AMPH: variants seen among roughly 807,000 people sequenced by gnomAD.
The protein encoded by AMPH is amphiphysin (Stiff-Mann syndrome with breast cancer 128kD autoantigen).
A neutral mutation model predicts 99.1 loss-of-function variants in AMPH; 49 were observed. The observed-to-expected ratio is 0.49, with a 90% CI of 0.39 to 0.63. AMPH has a LOEUF of 0.63. Among genes scored for constraint, AMPH ranks in the 20% least tolerant of loss-of-function variants. The pLI, the probability that AMPH is intolerant of heterozygous loss-of-function variation, is 0.00. For synonymous variants in AMPH, 314 were observed against 317.3 expected, an observed-to-expected ratio of 0.99 and a Z score of 0.11; for missense variants, 759 against 863.4, an observed-to-expected ratio of 0.88 and a Z score of 1.52.
chr7:38,518,396 C>T (rs1789830252), intron 2 of AMPH, among the ~76,000 whole-genome samples: 1 of 152,198 alleles, frequency 6.6e-6, no homozygotes. Context: ...CCCATTAAAG[C>T]TGGGTGAACT....
chr7:38,484,359 G>A (rs563888876), intron 5 of AMPH, among the ~76,000 whole-genome samples: 1 of 152,188 alleles, frequency 6.6e-6, no homozygotes, highest in African/African-American at 2.4e-5. Flanking sequence ...AAAGTAGCAA[G>A]AGAAAAGTGA....
intron 1 of AMPH, among the ~76,000 whole-genome samples, chr7:38,538,004 T>C (rs1186775178): frequency 1.3e-5 from 2 of 152,196 alleles, no homozygotes; most frequent in Admixed American, 6.5e-5. Context: ...TCAAACTTGC[T>C]CTGCCAGGAA....
chr7:38,455,005 G>T (rs929182190), intron 11 of AMPH, among the ~76,000 whole-genome samples: 8 of 152,068 alleles, frequency 5.3e-5, no homozygotes, highest in Non-Finnish European at 1.2e-4. Context: ...AGTGATTTGG[G>T]AAGACTAAAA....
intron 2 of AMPH, among the ~76,000 whole-genome samples, chr7:38,528,991 A>T (rs1790296100): frequency 6.6e-6 from 1 of 152,036 alleles, no homozygotes. Flanking sequence ...CAGAGTTCTA[A>T]TGCCTTCTAT....
rs5883648 is a variant in AMPH at position 38,416,102 on chromosome 7, A to AATATATATATATATATAT, written c.1398+1705_1398+1722dup. ...AGTTTAAACAATGATCAAACATATG[A>AATATATATATATATATAT]ATATATATATATATATATATATATT... On this transcript the variant is annotated intron_variant, in intron 17 of 20. Coordinates refer to ENST00000356264, the MANE Select transcript of AMPH (RefSeq NM_001635.4). Among the ~76,000 whole-genome samples the AATATATATATATATATAT allele has an allele frequency of 8.9e-3, 890 of 100,358 alleles. 44 individuals carry two copies. The highest frequency in any genetic ancestry group is 0.012 in the South Asian group (34 of 2,732). 65.8% of individuals were successfully genotyped at this position (100,358 alleles called of 152,430 possible). A position where few individuals can be genotyped will look rare whatever the true frequency, so the allele number is the denominator to read the frequency against.
chr7:38,607,606 A>G (rs1360169381), intron 1 of AMPH, among the ~76,000 whole-genome samples: 1 of 152,210 alleles, frequency 6.6e-6, no homozygotes, highest in Non-Finnish European at 1.5e-5. Flanking sequence ...GTTGAGGAAA[A>G]GAAACCAAGA....
At chr7:38,567,556 T>G (rs981951325) in intron 1 of AMPH, among the ~76,000 whole-genome samples, 1 of 152,044 alleles carries the variant, frequency 6.6e-6, no homozygotes, top group Admixed American at 6.6e-5. Flanking sequence ...AAAAATAAAA[T>G]ACAATACACA....
At chr7:38,488,312 G>C (rs1327103574) in intron 5 of AMPH, among the ~76,000 whole-genome samples, 1 of 152,048 alleles carries the variant, frequency 6.6e-6, no homozygotes, top group Non-Finnish European at 1.5e-5. Flanking sequence ...AAGAAAATGT[G>C]GCACATATAC....
rs374192759 is a variant in AMPH, at chr7:38,385,932, G to A, written c.1981-1007C>T. 1.7e-4 allele frequency among the ~76,000 whole-genome samples: 26 copies of A among 152,302 alleles called. No homozygotes were observed. In the East Asian group the frequency reaches 2.1e-3, roughly 12 times the overall value. ...TAACCAGTGCAGAAAGGAAATTCCA[G>A]TTCAGATGAGGGATGGCCAGGTTTA... On this transcript the variant is annotated intron_variant, in intron 20 of 20. Transcript: ENST00000356264.
chr7:38,546,973 C>T (rs1791016453), intron 1 of AMPH, among the ~76,000 whole-genome samples: 1 of 152,100 alleles, frequency 6.6e-6, no homozygotes, highest in South Asian at 2.1e-4. Context: ...TAGTCTCAAC[C>T]AATGGTAAGC....
chr7:38,591,296 T>G (rs541628037), intron 1 of AMPH, among the ~76,000 whole-genome samples: 3 of 150,950 alleles, frequency 2.0e-5, no homozygotes, highest in Admixed American at 6.6e-5. Flanking sequence ...TTTTCTTTTT[T>G]TTTTTTTTGA....
intron 3 of AMPH, among the ~76,000 whole-genome samples, chr7:38,502,217 T>C (rs899061580): frequency 6.6e-6 from 1 of 152,212 alleles, no homozygotes; most frequent in East Asian, 1.9e-4. Context: ...TATGGAGAGA[T>C]TTATGGGTTT....
chr7:38,447,751 A>AACACACACACAC (rs34380529), intron 11 of AMPH, among the ~76,000 whole-genome samples: 8 of 139,656 alleles, frequency 5.7e-5, no homozygotes, highest in African/African-American at 2.2e-4. Context: ...CAGACAGATA[A>AACACACACACAC]ACACACACAC....
intron 11 of AMPH, among the ~76,000 whole-genome samples, chr7:38,442,897 A>G (rs551054811): frequency 6.7e-6 from 1 of 148,730 alleles, no homozygotes; most frequent in South Asian, 2.2e-4. Flanking sequence ...TGAGAACAAG[A>G]AAAAGAGAGA....
chr7:38,587,196 A>G (rs1317688299), intron 1 of AMPH, among the ~76,000 whole-genome samples: 2 of 152,210 alleles, frequency 1.3e-5, no homozygotes, highest in Non-Finnish European at 2.9e-5. Flanking sequence ...AGCTGTGGCC[A>G]TGCTCATCTG....
At chr7:38,501,477 TG>T (rs1789133141) in intron 3 of AMPH, among the ~76,000 whole-genome samples, 1 of 152,180 alleles carries the variant, frequency 6.6e-6, no homozygotes, top group Non-Finnish European at 1.5e-5. Context: ...TGTGAGCCAC[TG>T]TGCCTGGCTG....
chr7:38,539,776 T>C (rs1204437147), intron 1 of AMPH, among the ~76,000 whole-genome samples: 1 of 152,214 alleles, frequency 6.6e-6, no homozygotes, highest in African/African-American at 2.4e-5. Context: ...CATGAAACTC[T>C]AGGCCCCACT....
chr7:38,564,797 A>G (rs979508517), intron 1 of AMPH, among the ~76,000 whole-genome samples: 1 of 152,196 alleles, frequency 6.6e-6, no homozygotes, highest in Admixed American at 6.5e-5. Context: ...TATCAAGGTG[A>G]ACATAAGTTT....
intron 11 of AMPH, among the ~76,000 whole-genome samples, chr7:38,451,590 C>G (rs1787040844): frequency 6.6e-6 from 1 of 152,018 alleles, no homozygotes; most frequent in Non-Finnish European, 1.5e-5. Context: ...CTGAGAAATT[C>G]TTCCCTAAAC....
Sources: gnomAD v4.1 joint callset for allele counts (sites outside exome capture counted in the v4.1 genomes callset) on GRCh38, gnomAD v4.1.1 for gene constraint, MANE v1.5 for transcripts, NCBI Gene and HGNC (gene_info 2026-07-23, HGNC 2026-07-21) for gene names.